ELF2: variants seen among roughly 807,000 people sequenced by gnomAD.
The protein encoded by ELF2 is E74 like ETS transcription factor 2.
ELF2 carries 11 observed loss-of-function variants against 54.8 expected under a neutral mutation model. The ratio of observed to expected loss-of-function variants is 0.20; its 90% CI spans 0.13 to 0.33. ELF2 has a LOEUF of 0.33. Ranked by LOEUF, ELF2 falls within the 10% of genes least tolerant of loss-of-function variation. The probability of loss-of-function intolerance (pLI) is 1.00; values close to 1 mark genes in which losing one functional copy is unlikely to be tolerated. For missense variants in ELF2, 513 were observed against 703.0 expected (o/e 0.73, Z 3.06); for synonymous variants, 203 against 245.1 (o/e 0.83, Z 1.61).
intron 3 of ELF2, among the ~76,000 whole-genome samples, chr4:139,126,769 T>C (rs1736961513): frequency 6.6e-6 from 1 of 152,188 alleles, no homozygotes. Flanking sequence ...ACATGAAAGA[T>C]CTCAAACATT....
Position 139,137,759 on chromosome 4 carries a change from AT to A in ELF2, c.-59del. On this transcript the variant is annotated 5_prime_UTR_variant, in exon 3 of 10. The change abolishes the stop of an existing upstream ORF in the 5' untranslated region. Transcript: ENST00000686138. ...AATCAATGAAATTAAAGGTTCACTG[AT>A]GGTTGCCAGTGTTATAGGTTTGCAT... is the stretch of plus-strand genomic sequence containing the variant. 6.2e-7 allele frequency: 1 copy of A among 1,608,502 alleles called. No individual in the cohort carries two copies.
At chr4:139,163,213 C>A (rs1253062990) in intron 1 of ELF2, among the ~76,000 whole-genome samples, 5 of 151,946 alleles carry the variant, frequency 3.3e-5, no homozygotes, top group Admixed American at 6.6e-5. Context: ...GTATATAATT[C>A]TGTATATGAA....
intron 1 of ELF2, among the ~76,000 whole-genome samples, chr4:139,147,130 A>G (rs1739299067): frequency 1.3e-5 from 2 of 152,222 alleles, no homozygotes; most frequent in African/African-American, 4.8e-5. Context: ...ATATTCGCCA[A>G]CTATGCATCC....
intron 7 of ELF2, among the ~76,000 whole-genome samples, chr4:139,063,694 GATCT>G (rs1333774918): frequency 2.6e-5 from 4 of 152,046 alleles, no homozygotes; most frequent in South Asian, 2.1e-4. Context: ...AACAATATAA[GATCT>G]ATCACAAAGC....
chr4:139,170,721 T>C (rs1458053783), intron 1 of ELF2, among the ~76,000 whole-genome samples: 1 of 144,608 alleles, frequency 6.9e-6, no homozygotes, highest in Non-Finnish European at 1.5e-5. Context: ...CATTACATTA[T>C]ATTATATTAT....
chr4:139,173,791 T>G (rs574782978), intron 1 of ELF2, among the ~76,000 whole-genome samples: 4 of 149,016 alleles, frequency 2.7e-5, no homozygotes, highest in South Asian at 2.1e-4. Flanking sequence ...ATAAAAAATT[T>G]TTTTAATTAA....
At chr4:139,132,010 A>G (rs1227711211) in intron 3 of ELF2, among the ~76,000 whole-genome samples, 1 of 152,210 alleles carries the variant, frequency 6.6e-6, no homozygotes, top group Non-Finnish European at 1.5e-5. Context: ...ATATTTATTT[A>G]GCATATACAT....
At chr4:139,059,954 TCTC>T (rs1727591226) in intron 9 of ELF2, among the ~76,000 whole-genome samples, 1 of 151,918 alleles carries the variant, frequency 6.6e-6, no homozygotes, top group Admixed American at 6.6e-5. Flanking sequence ...CTCAAGTGAC[TCTC>T]CTGCCTTAGC....
chr4:139,085,653 A>G (rs1731900924), intron 4 of ELF2, among the ~76,000 whole-genome samples: 1 of 152,212 alleles, frequency 6.6e-6, no homozygotes, highest in East Asian at 1.9e-4. Context: ...CCAAAAAAAG[A>G]ACCTACATGC....
rs1578664914 is a variant in ELF2 at position 139,063,942 on chromosome 4, A to C, written c.614-1885T>G. Among the ~76,000 whole-genome samples the C allele has an allele frequency of 3.9e-5, 6 of 152,206 alleles. No homozygotes were observed. The South Asian group carries it at 1.2e-3, about 32-fold the overall frequency. ...GAGGAGAGAGTAGTAGGCAGCGGTC[A>C]TTAGAAGACGCTTTTCAGATTGTTT... On this transcript the variant is annotated intron_variant, in intron 7 of 9. Coordinates refer to ENST00000686138, the MANE Select transcript of ELF2 (RefSeq NM_001331036.3).
intron 7 of ELF2, among the ~76,000 whole-genome samples, chr4:139,064,381 T>C (rs1728373052): frequency 6.6e-6 from 1 of 152,216 alleles, no homozygotes; most frequent in Non-Finnish European, 1.5e-5. Context: ...TTCCATGCAC[T>C]ATTCGTTTAC....
intron 1 of ELF2, among the ~76,000 whole-genome samples, chr4:139,144,221 T>C (rs1359546036): frequency 1.3e-5 from 2 of 152,124 alleles, no homozygotes; most frequent in Middle Eastern, 3.4e-3. Flanking sequence ...ACCCCCACTA[T>C]GAAAACTAGA....
chr4:139,103,772 T>C (rs558528085), intron 4 of ELF2, among the ~76,000 whole-genome samples: 1 of 152,242 alleles, frequency 6.6e-6, no homozygotes, highest in African/African-American at 2.4e-5. Context: ...GACTAGTTTA[T>C]TGGTCGGGAG....
intron 1 of ELF2, among the ~76,000 whole-genome samples, chr4:139,163,373 A>C (rs1741363844): frequency 6.6e-6 from 1 of 152,164 alleles, no homozygotes. Context: ...AAATAATATA[A>C]AAAGGACTCA....
chr4:139,133,558 G>A (rs757208814), intron 3 of ELF2, among the ~76,000 whole-genome samples: 67 of 151,986 alleles, frequency 4.4e-4, no homozygotes, highest in African/African-American at 1.6e-3. Context: ...TCTCTATTCA[G>A]GTCTTTAATG....
chr4:139,159,767 C>A (rs554578178), intron 1 of ELF2, among the ~76,000 whole-genome samples: 2 of 152,196 alleles, frequency 1.3e-5, no homozygotes. Flanking sequence ...TGAATGACTC[C>A]AGCTTCCTTT....
At position 139,137,716 on chromosome 4, in the gene ELF2, G is replaced by T; in HGVS notation, c.-15C>A. On this transcript the variant is annotated 5_prime_UTR_variant, in exon 3 of 10. Coordinates refer to ENST00000686138, the MANE Select transcript of ELF2 (RefSeq NM_001331036.3). ...GCTGATGTCATTGTTATTCCCTGAG[G>T]AAGCTTCAAACGCTATTAATCAATG... is the stretch of plus-strand genomic sequence containing the variant. 1.2e-6 allele frequency: 2 copies of T among 1,613,792 alleles called. No homozygotes were observed. Among genetic ancestry groups the T allele is most frequent in the Non-Finnish European group, 1.7e-6 (2 of 1,179,956 alleles).
chr4:139,083,178 GT>G (rs960858364), intron 4 of ELF2, among the ~76,000 whole-genome samples: 1 of 136,400 alleles, frequency 7.3e-6, no homozygotes, highest in African/African-American at 2.7e-5. Flanking sequence ...GTGGTGGGAG[GT>G]TTGGGGGGGG....
intron 4 of ELF2, among the ~76,000 whole-genome samples, chr4:139,098,628 C>T (rs1038857945): frequency 2.6e-5 from 4 of 152,064 alleles, no homozygotes. Context: ...GCCACCGCGC[C>T]CGGCTAATTT....
Sources: gnomAD v4.1 joint callset for allele counts (sites outside exome capture counted in the v4.1 genomes callset) on GRCh38, gnomAD v4.1.1 for gene constraint, MANE v1.5 for transcripts, NCBI Gene and HGNC (gene_info 2026-07-23, HGNC 2026-07-21) for gene names.